CNTNAP5: variants seen among roughly 807,000 people sequenced by gnomAD.
CNTNAP5 encodes contactin-associated protein-like 5.
Under a neutral mutation model 150.2 loss-of-function variants are expected in CNTNAP5, and 72 were observed. That is an observed-to-expected ratio of 0.48 (90% confidence interval 0.40 to 0.58). The LOEUF is 0.58. CNTNAP5 is among the 20% of genes least tolerant of loss of function. The pLI, the probability that CNTNAP5 is intolerant of heterozygous loss-of-function variation, is 0.00. For synonymous variants in CNTNAP5, 672 were observed against 619.8 expected, an observed-to-expected ratio of 1.08 and a Z score of -1.25; for missense variants, 1,636 against 1,626.2, an observed-to-expected ratio of 1.01 and a Z score of -0.10.
At chr2:124,519,786 C>CT (rs1474091987) in intron 8 of CNTNAP5, among the ~76,000 whole-genome samples, 2 of 152,098 alleles carry the variant, frequency 1.3e-5, no homozygotes, top group African/African-American at 4.8e-5. Flanking sequence ...AACTGTCATT[C>CT]TTTTTTTCTC....
chr2:124,788,757 C>T lies in CNTNAP5; in HGVS notation c.2753-1145C>T, dbSNP rs185581731. Among the ~76,000 whole-genome samples the T allele has an allele frequency of 3.2e-3, 481 of 151,948 alleles. 3 individuals carry two copies. Among genetic ancestry groups the T allele is most frequent in the Middle Eastern group, 0.027 (8 of 294 alleles). ...AAGCAATTCTCCTGCCTCAGCCTCC[C>T]GAGTAGCTGGAATTATAGATGCCTA... On this transcript the variant is annotated intron_variant, in intron 17 of 23. Transcript: ENST00000682447.
intron 3 of CNTNAP5, among the ~76,000 whole-genome samples, chr2:124,255,189 A>G (rs900387138): frequency 1.3e-5 from 2 of 152,102 alleles, no homozygotes; most frequent in Non-Finnish European, 2.9e-5. Context: ...GGAGTTTACA[A>G]TCAACCTGTG....
intron 10 of CNTNAP5, among the ~76,000 whole-genome samples, chr2:124,555,767 G>A (rs905411379): frequency 1.3e-5 from 2 of 152,168 alleles, no homozygotes; most frequent in Non-Finnish European, 2.9e-5. Flanking sequence ...CAAGAGCAGG[G>A]CAGGGGCAAA....
chr2:124,059,491 T>G (rs1681945168), intron 1 of CNTNAP5, among the ~76,000 whole-genome samples: 1 of 152,198 alleles, frequency 6.6e-6, no homozygotes, highest in Non-Finnish European at 1.5e-5. Context: ...TGTAATCTAC[T>G]ACCTGTGTGG....
At chr2:124,186,613 T>C (rs1014858179) in intron 1 of CNTNAP5, among the ~76,000 whole-genome samples, 15 of 152,142 alleles carry the variant, frequency 9.9e-5, no homozygotes, top group African/African-American at 3.4e-4. Flanking sequence ...TCAAAAGCAG[T>C]GTTTAAGTGT....
intron 1 of CNTNAP5, among the ~76,000 whole-genome samples, chr2:124,087,444 C>G (rs1425562860): frequency 6.6e-6 from 1 of 151,838 alleles, no homozygotes; most frequent in East Asian, 1.9e-4. Flanking sequence ...ATATTTTTGG[C>G]TGGGCGTAGT....
chr2:124,707,053 G>A (rs1178041130), intron 13 of CNTNAP5, among the ~76,000 whole-genome samples: 1 of 138,272 alleles, frequency 7.2e-6, no homozygotes, highest in Non-Finnish European at 1.6e-5. Context: ...AGGAGGAGGA[G>A]GAGGAGGAGA....
intron 10 of CNTNAP5, among the ~76,000 whole-genome samples, chr2:124,560,622 G>T (rs1573459356): frequency 8.1e-6 from 1 of 123,574 alleles, no homozygotes; most frequent in South Asian, 2.9e-4. Context: ...TTAGTTGAAT[G>T]TAAGAGAATC....
chr2:124,055,995 C>T (rs1158292914), intron 1 of CNTNAP5, among the ~76,000 whole-genome samples: 15 of 152,098 alleles, frequency 9.9e-5, no homozygotes. Flanking sequence ...TTCCCTTGCA[C>T]CTTCATCTCC....
chr2:124,309,716 A>G (rs1189604659), intron 3 of CNTNAP5, among the ~76,000 whole-genome samples: 3 of 152,176 alleles, frequency 2.0e-5, no homozygotes, highest in East Asian at 3.9e-4. Flanking sequence ...AGGATATGCT[A>G]CTACGCATGT....
At chr2:124,254,497 T>C (rs1033483953) in intron 3 of CNTNAP5, among the ~76,000 whole-genome samples, 2 of 152,168 alleles carry the variant, frequency 1.3e-5, no homozygotes, top group Admixed American at 6.5e-5. Context: ...GCATCTGCCA[T>C]GCTTGTGGGT....
intron 14 of CNTNAP5, among the ~76,000 whole-genome samples, chr2:124,757,197 C>G (rs1422000720): frequency 6.6e-6 from 1 of 152,198 alleles, no homozygotes; most frequent in East Asian, 1.9e-4. Context: ...GAATGTGGAA[C>G]AGAAGAGCTC....
At chr2:124,647,235 T>C (rs1678221794) in intron 12 of CNTNAP5, among the ~76,000 whole-genome samples, 1 of 152,206 alleles carries the variant, frequency 6.6e-6, no homozygotes, top group Admixed American at 6.5e-5. Context: ...AACAAAACCC[T>C]ACAATTAACT....
intron 1 of CNTNAP5, among the ~76,000 whole-genome samples, chr2:124,037,168 T>C (rs563792855): frequency 5.9e-5 from 9 of 152,324 alleles, no homozygotes; most frequent in African/African-American, 2.2e-4. Flanking sequence ...CTTGTATTGC[T>C]CACTAAAGCT....
At chr2:124,545,687 A>T (rs1558948100) in intron 10 of CNTNAP5, among the ~76,000 whole-genome samples, 1 of 152,134 alleles carries the variant, frequency 6.6e-6, no homozygotes, top group Non-Finnish European at 1.5e-5. Flanking sequence ...CTTTGATTTC[A>T]TCTGAGTCTC....
Position 124,025,547 on chromosome 2 carries a change from G to A in CNTNAP5, c.-104G>A, listed in dbSNP as rs1680858679. The A allele has an allele frequency of 2.1e-6, 2 of 945,392 alleles. No homozygotes were observed. The highest frequency in any genetic ancestry group is 3.4e-6 in the Non-Finnish European group (2 of 585,420). 58.6% of individuals were successfully genotyped at this position (945,392 alleles called of 1,614,324 possible). The stretch of plus-strand genomic sequence containing the variant: ...AGCGAGTGCCTCTCCAAGCGGGGGT[G>A]GGAGGGGGTCAGGCTGTGCAGAGGA... On this transcript the variant is annotated 5_prime_UTR_variant, in exon 1 of 24. Coordinates refer to ENST00000682447, the MANE Select transcript of CNTNAP5 (RefSeq NM_001367498.1).
At chr2:124,233,588 C>A (rs1686675819) in intron 2 of CNTNAP5, among the ~76,000 whole-genome samples, 1 of 152,090 alleles carries the variant, frequency 6.6e-6, no homozygotes, top group South Asian at 2.1e-4. Flanking sequence ...AATTTACATT[C>A]ATTATCTGAT....
At chr2:124,752,088 G>C (rs1162777390) in intron 14 of CNTNAP5, among the ~76,000 whole-genome samples, 1 of 152,108 alleles carries the variant, frequency 6.6e-6, no homozygotes, top group Non-Finnish European at 1.5e-5. Flanking sequence ...CAGTCAGTAA[G>C]GATGCTAGAG....
chr2:124,133,797 C>T (rs1019739197), intron 1 of CNTNAP5, among the ~76,000 whole-genome samples: 2 of 152,148 alleles, frequency 1.3e-5, no homozygotes, highest in African/African-American at 4.8e-5. Flanking sequence ...GAGACCACAC[C>T]TTGGTCATAT....
Sources: allele counts gnomAD v4.1 joint callset (sites outside exome capture counted in the v4.1 genomes callset), GRCh38; gene constraint gnomAD v4.1.1; transcripts MANE v1.5; gene names NCBI Gene and HGNC (gene_info 2026-07-23, HGNC 2026-07-21).